Variants in DDRGK1 observed in about 807,000 individuals in gnomAD.
DDRGK1 encodes the protein DDRGK domain-containing protein 1.
A neutral mutation model predicts 45.8 loss-of-function variants in DDRGK1; 38 were observed. The observed-to-expected ratio is 0.83, with a 90% confidence interval of 0.64 to 1.09. The LOEUF (loss-of-function observed/expected upper bound fraction) is 1.09. Among genes scored for constraint, DDRGK1 ranks in the 50% least tolerant of loss-of-function variants. The pLI, the probability that DDRGK1 is intolerant of heterozygous loss-of-function variation, is 0.00. For synonymous variants in DDRGK1, 171 were observed against 168.7 expected (o/e 1.01, Z -0.11); for missense variants, 403 against 419.9 (o/e 0.96, Z 0.35).
In DDRGK1 at chr20:3,202,765, G is replaced by C. The variant is rs549703830; in HGVS notation, c.295+448C>G. ...AGAAGACAATCCTGAGGGCTCTCCTGGTCTCCTGGAAGCAGGGATATGGAG... is the reference window on the plus strand; with the variant it reads ...AGAAGACAATCCTGAGGGCTCTCCTCGTCTCCTGGAAGCAGGGATATGGAG... On this transcript the variant is annotated intron_variant, in intron 2 of 8. Transcript: ENST00000354488. Among the ~76,000 whole-genome samples, 14 of 152,206 alleles carry C rather than the reference G, an allele frequency of 9.2e-5. No individual in the cohort carries two copies. In the East Asian group the frequency reaches 2.5e-3, roughly 27 times the overall value.
At chr20:3,193,142 T>G (rs1010164847) in intron 6 of DDRGK1, among the ~76,000 whole-genome samples, 2 of 152,200 alleles carry the variant, frequency 1.3e-5, no homozygotes, top group Non-Finnish European at 2.9e-5. Flanking sequence ...GAAGATCGCC[T>G]GAGCCCAGCC....
At chr20:3,195,034 C>T (rs981956665) in intron 5 of DDRGK1, among the ~76,000 whole-genome samples, 166 bp from the exon 6 acceptor site, 1 of 152,264 alleles carries the variant, frequency 6.6e-6, no homozygotes, top group Non-Finnish European at 1.5e-5. Flanking sequence ...GCAGCAGAGC[C>T]TTCCAGGGTG....
At position 3,203,285 on chromosome 20, in the gene DDRGK1, G is replaced by A; in HGVS notation, c.223C>T (p.Gln75Ter). The part of the protein sequence containing the change: ...RRRRDLGSRL[Q>*]AQRRAQRVAW... ...ACCCGCTGGGCTCGACGCTGGGCCTGTAGGCGGCTGCCCAGGTCCCTCCGG... is the reference window on the plus strand; with the variant it reads ...ACCCGCTGGGCTCGACGCTGGGCCTATAGGCGGCTGCCCAGGTCCCTCCGG... Residue 75 changes from glutamine (Q) to a stop codon, truncating the protein, a stop_gained, in exon 2 of 9, where the codon CAG (glutamine) becomes TAG (stop). Coordinates refer to ENST00000354488, the MANE Select transcript of DDRGK1 (RefSeq NM_023935.3). LOFTEE classifies it high-confidence loss of function. 1.2e-6 allele frequency: 2 copies of A among 1,607,770 alleles called. No homozygotes were observed. Among genetic ancestry groups the A allele is most frequent in the Non-Finnish European group, 1.7e-6 (2 of 1,176,666 alleles).
intron 4 of DDRGK1, among the ~76,000 whole-genome samples, chr20:3,199,649 C>T (rs2067027061): frequency 6.6e-6 from 1 of 152,214 alleles, no homozygotes; most frequent in Non-Finnish European, 1.5e-5. Flanking sequence ...CCATCTCTTA[C>T]AATGATCTTC....
chr20:3,204,444 C>G, intron 1 of DDRGK1, 93 bp downstream of exon 1: 5 of 1,333,748 alleles, frequency 3.7e-6, no homozygotes, highest in Non-Finnish European at 5.1e-6. Flanking sequence ...CGCCCAGGTG[C>G]GCACGCGCAG....
In DDRGK1 at chr20:3,200,409, G is replaced by A. The variant is rs764215113; in HGVS notation, c.341C>T (p.Ser114Leu). Residue 114 changes from serine (S) to leucine (L), a missense_variant, in exon 3 of 9, where the codon TCG (serine) becomes TTG (leucine). Ser to Leu is a moderately radical substitution (Grantham distance 145, BLOSUM62 -2). Coordinates refer to ENST00000354488, the MANE Select transcript of DDRGK1 (RefSeq NM_023935.3). ...GVEKPAETHL[S>L]GKIGAKKLRK... ...CAGTTTCTTAGCTCCAATTTTCCCC[G>A]ACAGGTGAGTTTCCGCTGGCTTCTC... 1.5e-5 allele frequency: 24 copies of A among 1,584,912 alleles called. No individual in the cohort carries two copies. Among genetic ancestry groups the A allele is most frequent in the South Asian group, 5.8e-5 (5 of 86,294 alleles).
chr20:3,194,781 C>T (rs778135576), intron 6 of DDRGK1, 49 bp downstream of exon 6: 3 of 1,612,478 alleles, frequency 1.9e-6, no homozygotes, highest in Middle Eastern at 1.7e-4. Flanking sequence ...CCAACCTGCA[C>T]ATGCCAGGCA....
chr20:3,202,942 C>T (rs80236420), intron 2 of DDRGK1, among the ~76,000 whole-genome samples: 10,578 of 152,182 alleles, frequency 0.07, 509 homozygotes, highest in African/African-American at 0.14. Context: ...AGGAAGGGTG[C>T]GAGGATAGAA....
In DDRGK1 at chr20:3,190,751, TG is replaced by T. The variant is rs1465627612; in HGVS notation, c.846del (p.Phe282LeufsTer78). The T allele has an allele frequency of 5.6e-6, 9 of 1,614,028 alleles. No homozygotes were observed. Among genetic ancestry groups the T allele is most frequent in the Non-Finnish European group, 7.6e-6 (9 of 1,180,022 alleles). On this transcript the variant is annotated frameshift_variant, in exon 9 of 9. Coordinates refer to ENST00000354488, the MANE Select transcript of DDRGK1 (RefSeq NM_023935.3). LOFTEE classifies it high-confidence loss of function. ...TPEELAAVAN[F>X]IRQRGRVSIA... ...ATGGACACCCGGCCCCGCTGTCGGA[TG>T]AAGTTGGCCACGGCGGCCAGTTCCT...
intron 2 of DDRGK1, among the ~76,000 whole-genome samples, chr20:3,202,041 G>A (rs1042767263): frequency 2.7e-5 from 4 of 150,176 alleles, no homozygotes; most frequent in Non-Finnish European, 4.4e-5. Flanking sequence ...GTGCAGTGGC[G>A]CGATCTCGGC....
intron 2 of DDRGK1, among the ~76,000 whole-genome samples, chr20:3,201,844 A>G (rs2067041511): frequency 6.6e-6 from 1 of 150,838 alleles, no homozygotes; most frequent in Admixed American, 6.6e-5. Context: ...TTTTATTTTT[A>G]GTAGAGACCG....
At chr20:3,194,435 C>G (rs1403047426) in intron 6 of DDRGK1, among the ~76,000 whole-genome samples, 6 of 152,204 alleles carry the variant, frequency 3.9e-5, no homozygotes, top group Non-Finnish European at 4.4e-5. Context: ...CCCTGAAAGA[C>G]CCAAGTTCCC....
intron 7 of DDRGK1, chr20:3,191,525 G>A: frequency 1.4e-6 from 1 of 711,742 alleles, no homozygotes; most frequent in Non-Finnish European, 2.5e-6. Context: ...ACTGATTTGG[G>A]CTGCTTTGGT....
At chr20:3,194,928 C>A in intron 5 of DDRGK1, 60 bp from the exon 6 acceptor site, 1 of 1,596,962 alleles carries the variant, frequency 6.3e-7, no homozygotes, top group South Asian at 1.1e-5. Flanking sequence ...GTTCTGTACC[C>A]ATTCACCCAA....
At chr20:3,198,723 A>AAC (rs2067023163) in intron 4 of DDRGK1, among the ~76,000 whole-genome samples, 1 of 145,504 alleles carries the variant, frequency 6.9e-6, no homozygotes, top group African/African-American at 2.6e-5. Flanking sequence ...AAAAAAACAA[A>AAC]ACAGAAATTC....
chr20:3,191,066 C>G, intron 8 of DDRGK1, 124 bp downstream of exon 8: 1 of 1,327,318 alleles, frequency 7.5e-7, no homozygotes, highest in Non-Finnish European at 1.1e-6. Context: ...ACTCAGTGCC[C>G]CTCCTTGCAC....
intron 6 of DDRGK1, among the ~76,000 whole-genome samples, chr20:3,194,552 C>T (rs778867715): frequency 3.3e-5 from 5 of 152,260 alleles, no homozygotes; most frequent in Non-Finnish European, 7.3e-5. Flanking sequence ...CACTGACTCA[C>T]TGAGCGTGGG....
At chr20:3,191,163 T>G in intron 8 of DDRGK1, 27 bp downstream of exon 8, 2 of 1,614,062 alleles carry the variant, frequency 1.2e-6, no homozygotes, top group South Asian at 2.2e-5. Context: ...AGGCCAGGAC[T>G]GCAGTGATTG....
chr20:3,198,721 A>AAAAAC (rs2067023128), intron 4 of DDRGK1, among the ~76,000 whole-genome samples: 1 of 140,408 alleles, frequency 7.1e-6, no homozygotes, highest in Non-Finnish European at 1.5e-5. Flanking sequence ...AAAAAAAAAC[A>AAAAAC]AAACAGAAAT....
Sources: allele counts gnomAD v4.1 joint callset (sites outside exome capture counted in the v4.1 genomes callset), GRCh38; gene constraint gnomAD v4.1.1; transcripts MANE v1.5; gene names NCBI Gene and HGNC (gene_info 2026-07-23, HGNC 2026-07-21).